Variants in TRPM3 observed in about 807,000 individuals in gnomAD.
The protein encoded by TRPM3 is long transient receptor potential channel 3.
TRPM3 carries 77 observed loss-of-function variants against 181.2 expected under a neutral mutation model. The observed-to-expected ratio is 0.42, with a 90% confidence interval of 0.35 to 0.51. TRPM3 has a LOEUF of 0.51. Ranked by LOEUF, TRPM3 falls within the 20% of genes least tolerant of loss-of-function variation. The pLI is 0.01. For synonymous variants in TRPM3, 745 were observed against 796.4 expected (o/e 0.94, Z 1.09); for missense variants, 1,759 against 2,196.7 (o/e 0.80, Z 3.98).
chr9:71,175,491 T>C (rs1413327146), intron 1 of TRPM3, among the ~76,000 whole-genome samples: 1 of 152,168 alleles, frequency 6.6e-6, no homozygotes, highest in Non-Finnish European at 1.5e-5. Context: ...ATGTGTGTGA[T>C]AGCCAAAAGG....
intron 22 of TRPM3, among the ~76,000 whole-genome samples, chr9:70,565,571 G>A (rs1448794759): frequency 1.3e-5 from 2 of 149,710 alleles, no homozygotes; most frequent in Non-Finnish European, 3.0e-5. Context: ...GGGATTACAG[G>A]CATGAGCCAC....
At chr9:70,757,484 T>C (rs1174117767) in intron 8 of TRPM3, among the ~76,000 whole-genome samples, 1 of 152,218 alleles carries the variant, frequency 6.6e-6, no homozygotes, top group Non-Finnish European at 1.5e-5. Context: ...ACTCGTTTTA[T>C]GAAGCCAGCA....
chr9:71,336,325 C>A (rs2132572687), intron 1 of TRPM3, among the ~76,000 whole-genome samples: 1 of 152,124 alleles, frequency 6.6e-6, no homozygotes, highest in Non-Finnish European at 1.5e-5. Context: ...GTCAAACAGC[C>A]AAATCATGAG....
chr9:71,407,224 G>T lies in TRPM3; in HGVS notation c.183+39429C>A, dbSNP rs555852969. Reference sequence around the variant, plus strand: ...GTACCGGGTTCATCTCATTAGGACTGGTTGGACAGTGGGTGCAGCCCATGA... The same window carrying T: ...GTACCGGGTTCATCTCATTAGGACTTGTTGGACAGTGGGTGCAGCCCATGA... On this transcript the variant is annotated intron_variant, in intron 1 of 24. Coordinates refer to the TRPM3 transcript ENST00000357533. 2.0e-5 allele frequency among the ~76,000 whole-genome samples: 3 copies of T among 152,246 alleles called. No individual in the cohort carries two copies. In the South Asian group the frequency reaches 6.2e-4, roughly 32 times the overall value.
intron 1 of TRPM3, among the ~76,000 whole-genome samples, chr9:71,196,001 A>G (rs1382262955): frequency 1.3e-5 from 2 of 151,956 alleles, no homozygotes; most frequent in African/African-American, 4.8e-5. Context: ...GAGGAGCACA[A>G]AAAATAAGTA....
intron 1 of TRPM3, among the ~76,000 whole-genome samples, chr9:71,336,008 A>T (rs868593640): frequency 1.3e-5 from 2 of 152,104 alleles, no homozygotes; most frequent in African/African-American, 4.8e-5. Flanking sequence ...CAATCAATTC[A>T]TTCAAAACAA....
intron 9 of TRPM3, among the ~76,000 whole-genome samples, chr9:70,648,178 G>C (rs751103129): frequency 1.4e-4 from 21 of 152,156 alleles, no homozygotes; most frequent in Admixed American, 7.2e-4. Context: ...ATTTTTCATG[G>C]AATTAGAAAA....
intron 14 of TRPM3, among the ~76,000 whole-genome samples, chr9:70,621,537 A>G (rs1163503415): frequency 6.6e-6 from 1 of 151,932 alleles, no homozygotes; most frequent in Non-Finnish European, 1.5e-5. Context: ...GCTAAGTTTT[A>G]AAAATGTTTT....
At chr9:71,437,756 T>C (rs572068682) in intron 1 of TRPM3, among the ~76,000 whole-genome samples, 9 of 149,662 alleles carry the variant, frequency 6.0e-5, no homozygotes, top group Admixed American at 2.7e-4. Flanking sequence ...TAATCCCAGC[T>C]ACTAGGGAGG....
chr9:71,224,543 C>T (rs1331322465), intron 1 of TRPM3, among the ~76,000 whole-genome samples: 3 of 151,974 alleles, frequency 2.0e-5, no homozygotes. Context: ...TATGACCTCA[C>T]CAAACAAACT....
intron 1 of TRPM3, among the ~76,000 whole-genome samples, chr9:71,388,893 T>G (rs1183193038): frequency 6.6e-6 from 1 of 152,138 alleles, no homozygotes; most frequent in Admixed American, 6.6e-5. Flanking sequence ...CTTAAACTAA[T>G]GTGAACAGGT....
chr9:70,638,933 T>A (rs1296841117), intron 11 of TRPM3, 127 bp downstream of exon 11: 11 of 1,069,076 alleles, frequency 1.0e-5, no homozygotes, highest in South Asian at 1.6e-5. Flanking sequence ...TCTAAGGGAG[T>A]ATTTGTGATG....
chr9:71,137,199 G>A (rs1289727647), intron 1 of TRPM3, among the ~76,000 whole-genome samples: 1 of 151,964 alleles, frequency 6.6e-6, no homozygotes, highest in Non-Finnish European at 1.5e-5. Flanking sequence ...TAATAAAAAG[G>A]TATTAAAATT....
At chr9:70,767,068 G>A (rs532987856) in intron 7 of TRPM3, among the ~76,000 whole-genome samples, 1 of 152,338 alleles carries the variant, frequency 6.6e-6, no homozygotes, top group South Asian at 2.1e-4. Context: ...AGTCACTGAC[G>A]TATTCCTTCT....
chr9:71,245,212 G>A (rs2081964196), intron 1 of TRPM3, among the ~76,000 whole-genome samples: 1 of 152,080 alleles, frequency 6.6e-6, no homozygotes, highest in Non-Finnish European at 1.5e-5. Context: ...ACTTTGGGAG[G>A]CCAAGTTGGG....
chr9:70,781,343 AAAAAAAG>A (rs2082410290), intron 7 of TRPM3, among the ~76,000 whole-genome samples: 1 of 151,066 alleles, frequency 6.6e-6, no homozygotes. Context: ...AAAAAAAAAA[AAAAAAAG>A]AAAACATGAT....
chr9:70,863,512 C>A (rs983939614), intron 2 of TRPM3, among the ~76,000 whole-genome samples: 2 of 152,132 alleles, frequency 1.3e-5, no homozygotes, highest in African/African-American at 4.8e-5. Context: ...AGAAGTTTAA[C>A]ATGCACATTT....
chr9:70,954,277 A>G (rs1400922272), intron 1 of TRPM3, among the ~76,000 whole-genome samples: 2 of 152,184 alleles, frequency 1.3e-5, no homozygotes, highest in Non-Finnish European at 2.9e-5. Context: ...GGCCAGTGAA[A>G]TATCCTTCAG....
At chr9:70,813,133 G>A (rs989305821) in intron 6 of TRPM3, among the ~76,000 whole-genome samples, 1 of 152,168 alleles carries the variant, frequency 6.6e-6, no homozygotes, top group Non-Finnish European at 1.5e-5. Context: ...TTTCCTATCT[G>A]CAAGATGAAA....
Sources: allele counts gnomAD v4.1 joint callset (sites outside exome capture counted in the v4.1 genomes callset), GRCh38; gene constraint gnomAD v4.1.1; transcripts MANE v1.5; gene names NCBI Gene and HGNC (gene_info 2026-07-23, HGNC 2026-07-21).